The following FRAS1 variants were observed in gnomAD, a reference collection of about 807,000 sequenced individuals.
FRAS1 encodes the protein extracellular matrix organizing protein FRAS1.
In FRAS1, 290 loss-of-function variants were observed where a neutral mutation model predicts 435.2. The observed-to-expected ratio is 0.67, with a 90% confidence interval of 0.61 to 0.73. FRAS1 has a LOEUF of 0.73. Ranked by LOEUF, FRAS1 falls within the 30% of genes least tolerant of loss-of-function variation. FRAS1 has a pLI of 0.00. For synonymous variants in FRAS1, 1,800 were observed against 1,851.0 expected, an observed-to-expected ratio of 0.97 and a Z score of 0.71; for missense variants, 4,860 against 5,001.5, an observed-to-expected ratio of 0.97 and a Z score of 0.85.
In FRAS1 at chr4:78,407,765, A is replaced by G; in HGVS notation, c.4232A>G (p.Gln1411Arg). ...GCTACCCCCACCAGCACCTTCACCCAGCAGGACATCAATGAAGGCATCGTA... is the reference window on the plus strand; with the variant it reads ...GCTACCCCCACCAGCACCTTCACCCGGCAGGACATCAATGAAGGCATCGTA... ...RTATPTSTFT[Q>R]QDINEGIVWY... Residue 1411 changes from glutamine to arginine, a missense_variant, in exon 31 of 74, where the codon CAG (glutamine) becomes CGG (arginine). By Grantham distance (43) the Gln-to-Arg change is conservative (BLOSUM62 1). Coordinates refer to ENST00000512123, the MANE Select transcript of FRAS1 (RefSeq NM_025074.7). 1 of 1,613,922 alleles carries G rather than the reference A, an allele frequency of 6.2e-7. No homozygotes were observed.
chr4:78,536,191 A>ATTTTTTTTTTTTTTTTT (rs11355997), intron 71 of FRAS1, among the ~76,000 whole-genome samples: 1 of 103,988 alleles, frequency 9.6e-6, no homozygotes, highest in African/African-American at 3.8e-5. Context: ...TTGTACATGG[A>ATTTTTTTTTTTTTTTTT]TTTTTTTTTT....
chr4:78,119,362 G>A (rs1383762948), intron 2 of FRAS1, among the ~76,000 whole-genome samples: 3 of 152,026 alleles, frequency 2.0e-5, no homozygotes, highest in Non-Finnish European at 2.9e-5. Flanking sequence ...CCAAGCCCTA[G>A]TATTCTTTAT....
In FRAS1 at chr4:78,146,144, T is replaced by C. The variant is rs942634276; in HGVS notation, c.108+80128T>C. ...TTTTTTTAATTGCTATGTTCATCTT[T>C]TTAAATCAAAGGAATAATGTACAGA... On this transcript the variant is annotated intron_variant, in intron 2 of 73. Transcript: ENST00000512123. 5.9e-5 allele frequency among the ~76,000 whole-genome samples: 9 copies of C among 152,286 alleles called. 1 individual carries two copies. The highest frequency in any genetic ancestry group is 2.2e-4 in the African/African-American group (9 of 41,556).
At chr4:78,452,112 C>T (rs1719044498) in intron 46 of FRAS1, 63 bp from the exon 47 acceptor site, 1 of 1,546,632 alleles carries the variant, frequency 6.5e-7, no homozygotes, top group Admixed American at 1.7e-5. Context: ...GGCACCAGGC[C>T]TAGAATTAAA....
At chr4:78,506,552 C>T (rs900573646) in intron 61 of FRAS1, among the ~76,000 whole-genome samples, 23 of 152,216 alleles carry the variant, frequency 1.5e-4, no homozygotes, top group East Asian at 9.6e-4. Context: ...TGGAACCCCC[C>T]GAGTCAGGCA....
At chr4:78,062,186 GAGT>G (rs2109842532) in intron 1 of FRAS1, among the ~76,000 whole-genome samples, 1 of 152,266 alleles carries the variant, frequency 6.6e-6, no homozygotes, top group Admixed American at 6.5e-5. Flanking sequence ...ACATGGCTCA[GAGT>G]AGGGGAGGGG....
At position 78,392,062 on chromosome 4, in the gene FRAS1, A is replaced by G. The variant is rs375552842; in HGVS notation, c.3975+4361A>G. On this transcript the variant is annotated intron_variant, in intron 29 of 73. Coordinates refer to ENST00000512123, the MANE Select transcript of FRAS1 (RefSeq NM_025074.7). ...AATCAGAAAATGTTTCCTTAAATATACATATACTGGTTGAAATCTACATGG... is the reference window on the plus strand; with the variant it reads ...AATCAGAAAATGTTTCCTTAAATATGCATATACTGGTTGAAATCTACATGG... Among the ~76,000 whole-genome samples the G allele has an allele frequency of 5.1e-4, 77 of 152,230 alleles. 1 individual carries two copies. The South Asian group carries it at 0.014, about 28-fold the overall frequency.
At chr4:78,336,556 T>C (rs143371) in intron 19 of FRAS1, among the ~76,000 whole-genome samples, 27,040 of 152,096 alleles carry the variant, frequency 0.18, 4,087 homozygotes, top group African/African-American at 0.4. Flanking sequence ...TTTGGATAGG[T>C]GCTTTCAACA....
intron 20 of FRAS1, among the ~76,000 whole-genome samples, chr4:78,344,898 G>T (rs1408598545): frequency 6.6e-6 from 1 of 152,100 alleles, no homozygotes; most frequent in Non-Finnish European, 1.5e-5. Context: ...TACGTGCATT[G>T]TTTTCAGTTG....
chr4:78,453,316 T>A (rs533755320), intron 47 of FRAS1, among the ~76,000 whole-genome samples: 1 of 152,136 alleles, frequency 6.6e-6, no homozygotes, highest in South Asian at 2.1e-4. Flanking sequence ...GGTAGTGGGA[T>A]TTCACCTAGA....
Position 78,318,815 on chromosome 4 carries a change from C to A in FRAS1, c.1966C>A (p.His656Asn). 1 of 1,560,448 alleles carries A rather than the reference C, an allele frequency of 6.4e-7. No homozygotes were observed. The highest frequency in any genetic ancestry group is 1.2e-5 in the South Asian group (1 of 83,412). The change falls in exon 18 of 74, where the codon CAC (histidine) becomes AAC (asparagine). Residue 656 changes from histidine to asparagine, a missense_variant. Coordinates refer to ENST00000512123, the MANE Select transcript of FRAS1 (RefSeq NM_025074.7). ...CATTTTATTTCCATTTGCAGCCTGTCACTCCTCCTGCCTGGCTTGTATGGG... is the reference window on the plus strand; with the variant it reads ...CATTTTATTTCCATTTGCAGCCTGTAACTCCTCCTGCCTGGCTTGTATGGG... ...YSDHGVCKACHSSCLACMGPA... is the reference protein window; with the variant it reads ...YSDHGVCKACNSSCLACMGPA...
chr4:78,237,354 GGTT>G (rs1345911327), intron 2 of FRAS1, among the ~76,000 whole-genome samples, 153 bp from the exon 3 acceptor site: 2 of 152,042 alleles, frequency 1.3e-5, no homozygotes, highest in African/African-American at 4.8e-5. Context: ...TGCCTTGTGG[GGTT>G]TAATCAGTGC....
At chr4:78,215,948 T>C (rs768889898) in intron 2 of FRAS1, among the ~76,000 whole-genome samples, 30 of 152,268 alleles carry the variant, frequency 2.0e-4, no homozygotes, top group Non-Finnish European at 3.4e-4. Flanking sequence ...TGAAAACTGA[T>C]TTCCCTATTC....
chr4:78,131,196 A>G (rs867821014), intron 2 of FRAS1, among the ~76,000 whole-genome samples: 9 of 152,306 alleles, frequency 5.9e-5, no homozygotes, highest in African/African-American at 2.2e-4. Flanking sequence ...AGATATATAC[A>G]CACATATGTA....
intron 2 of FRAS1, among the ~76,000 whole-genome samples, chr4:78,187,064 T>G (rs1458596259): frequency 6.6e-6 from 1 of 152,226 alleles, no homozygotes; most frequent in Non-Finnish European, 1.5e-5. Flanking sequence ...GAAACTGTGG[T>G]CAACTCTCTA....
At chr4:78,323,940 T>C (rs1241282176) in intron 18 of FRAS1, among the ~76,000 whole-genome samples, 2 of 152,172 alleles carry the variant, frequency 1.3e-5, no homozygotes, top group Admixed American at 1.3e-4. Context: ...GGAATCTTGT[T>C]AAAGATTCAG....
At chr4:78,508,676 T>G in intron 62 of FRAS1, 55 bp from the exon 63 acceptor site, 1 of 1,595,308 alleles carries the variant, frequency 6.3e-7, no homozygotes, top group Non-Finnish European at 8.6e-7. Context: ...GGGGGCTTAG[T>G]TCTCTGACCT....
In FRAS1 at chr4:78,374,139, A is replaced by T; in HGVS notation, c.3039A>T (p.Gln1013His). ...KNCDSYCLQCQGPHECTRCKG... is the reference protein window; with the variant it reads ...KNCDSYCLQCHGPHECTRCKG... Reference sequence around the variant, plus strand: ...GTGACAGCTACTGTCTCCAGTGCCAAGGTCCCCATGAGTGTACCCGCTGCA... The same window carrying T: ...GTGACAGCTACTGTCTCCAGTGCCATGGTCCCCATGAGTGTACCCGCTGCA... Residue 1013 changes from glutamine (Q) to histidine (H), a missense_variant, in exon 25 of 74, where the codon CAA (glutamine) becomes CAT (histidine). Transcript: ENST00000512123. 1 of 1,598,134 alleles carries T rather than the reference A, an allele frequency of 6.3e-7. No individual in the cohort carries two copies. The highest frequency in any genetic ancestry group is 8.6e-7 in the Non-Finnish European group (1 of 1,168,194).
At chr4:78,102,297 A>G (rs1045234055) in intron 2 of FRAS1, among the ~76,000 whole-genome samples, 1 of 152,170 alleles carries the variant, frequency 6.6e-6, no homozygotes, top group African/African-American at 2.4e-5. Flanking sequence ...TCTAATCCTC[A>G]CCTAAGTCCT....
Sources: gnomAD v4.1 joint callset for allele counts (sites outside exome capture counted in the v4.1 genomes callset) on GRCh38, gnomAD v4.1.1 for gene constraint, MANE v1.5 for transcripts, NCBI Gene and HGNC (gene_info 2026-07-23, HGNC 2026-07-21) for gene names.